The following NFATC1 variants were observed in gnomAD, a reference collection of about 807,000 sequenced individuals.
NFATC1 encodes the protein nuclear factor of activated T cells 1, also known as nuclear factor of activated T-cells, cytoplasmic 1.
In NFATC1, 22 loss-of-function variants were observed where a neutral mutation model predicts 76.0. That is an observed-to-expected ratio of 0.29 (90% CI 0.21 to 0.41). The LOEUF (loss-of-function observed/expected upper bound fraction) is 0.41. Ranked by LOEUF, NFATC1 falls within the 10% of genes least tolerant of loss-of-function variation. The pLI is 1.00. For synonymous variants in NFATC1, 704 were observed against 613.1 expected (o/e 1.15, Z -2.19); for missense variants, 1,357 against 1,337.7 (o/e 1.01, Z -0.23).
At chr18:79,437,794 C>T (rs1191402952) in intron 3 of NFATC1, among the ~76,000 whole-genome samples, 1 of 152,206 alleles carries the variant, frequency 6.6e-6, no homozygotes, top group African/African-American at 2.4e-5. Flanking sequence ...GAGCTGGAAC[C>T]AGGAGTTCGC....
In NFATC1 at chr18:79,410,624, A is replaced by G; in HGVS notation, c.349A>G (p.Ser117Gly). The G allele has an allele frequency of 2.5e-6, 4 of 1,612,952 alleles. No individual in the cohort carries two copies. In the East Asian group the frequency reaches 8.9e-5, roughly 36 times the overall value. Residue 117 changes from serine to glycine, a missense_variant, in exon 2 of 10, where the codon AGT becomes GGT. This residue lies in a region of NFATC1 where 691 missense variants were observed against 613.1 expected (regional missense o/e 1.13). Coordinates refer to ENST00000427363, the MANE Select transcript of NFATC1 (RefSeq NM_001278669.2). This position sits in a 1 kb window ranked among gnomAD's most constrained non-coding sequence, Gnocchi z 6.7. ...TRPDGAPALESPRIEITSCLG... is the reference protein window; with the variant it reads ...TRPDGAPALEGPRIEITSCLG... The stretch of plus-strand genomic sequence containing the variant: ...GCCTGATGGGGCCCCTGCCCTGGAG[A>G]GTCCTCGCATCGAGATAACCTCGTG...
At chr18:79,422,978 C>T (rs539299868) in intron 2 of NFATC1, among the ~76,000 whole-genome samples, 1 of 149,160 alleles carries the variant, frequency 6.7e-6, no homozygotes, top group African/African-American at 2.5e-5. Flanking sequence ...CTCACCCATC[C>T]GGGGCAGGGC....
chr18:79,403,590 G>T (rs902958634), intron 1 of NFATC1, among the ~76,000 whole-genome samples: 1 of 152,254 alleles, frequency 6.6e-6, no homozygotes, highest in African/African-American at 2.4e-5. Flanking sequence ...TGTCGCCGTG[G>T]CAACTCAGAG....
At chr18:79,450,296 G>A (rs987599435) in intron 4 of NFATC1, among the ~76,000 whole-genome samples, 2 of 152,030 alleles carry the variant, frequency 1.3e-5, no homozygotes, top group Admixed American at 1.3e-4. Context: ...GAATGAAATT[G>A]TTAAGAGGTT....
Position 79,410,152 on chromosome 18 carries a change from C to A in NFATC1, c.128-251C>A. 1 of 762,228 alleles carries A rather than the reference C, an allele frequency of 1.3e-6. No homozygotes were observed. Among genetic ancestry groups the A allele is most frequent in the South Asian group, 1.4e-5 (1 of 73,180 alleles). The allele number at this position is 762,228 out of a possible 1,614,324, so 47.2% of individuals were successfully genotyped here. A position where few individuals can be genotyped will look rare whatever the true frequency, so the allele number is the denominator to read the frequency against. ...TGGGAAGGACGTTCGGGGGCTTGTGCTGCTGTTAGGGGAGGAGGGGAGGTG... is the reference window on the plus strand; with the variant it reads ...TGGGAAGGACGTTCGGGGGCTTGTGATGCTGTTAGGGGAGGAGGGGAGGTG... On this transcript the variant is annotated intron_variant, in intron 1 of 9. Transcript: ENST00000427363. This position sits in a 1 kb window ranked among gnomAD's most constrained non-coding sequence, Gnocchi z 6.7.
chr18:79,419,575 G>A (rs970794556), intron 2 of NFATC1, among the ~76,000 whole-genome samples: 1 of 152,172 alleles, frequency 6.6e-6, no homozygotes, highest in Admixed American at 6.5e-5. Context: ...GTCAGAACCT[G>A]CCTGGTTAGC....
chr18:79,485,574 C>T (rs916101015), intron 8 of NFATC1, among the ~76,000 whole-genome samples: 1 of 152,096 alleles, frequency 6.6e-6, no homozygotes, highest in African/African-American at 2.4e-5. Flanking sequence ...ACCCAGCACC[C>T]GCCCTGTGGG....
At chr18:79,481,412 T>C (rs1048896433) in intron 8 of NFATC1, among the ~76,000 whole-genome samples, 3 of 152,242 alleles carry the variant, frequency 2.0e-5, no homozygotes, top group Non-Finnish European at 2.9e-5. Context: ...GGCCCAGATA[T>C]TCAATTTTCT....
intron 3 of NFATC1, among the ~76,000 whole-genome samples, chr18:79,437,116 G>C (rs1175672312): frequency 6.6e-6 from 1 of 152,242 alleles, no homozygotes; most frequent in Non-Finnish European, 1.5e-5. Context: ...GCCCCTGGTG[G>C]ACGTGGTCCC....
Position 79,410,969 on chromosome 18 carries a change from G to C in NFATC1, c.694G>C (p.Gly232Arg), listed in dbSNP as rs1063669. The change falls in exon 2 of 10, where the codon GGT (glycine) becomes CGT (arginine). Residue 232 changes from glycine (G) to arginine (R), a missense_variant. Transcript: ENST00000427363. The surrounding 1 kb of genome is among the most constrained non-coding windows in gnomAD (Gnocchi z 6.7). ...CGGGCTGGGGGCCTGCACACTGCTG[G>C]GTTCCCCGCGGCACTCCCCCTCCAC... is the stretch of plus-strand genomic sequence containing the variant. ...PRGLGACTLL[G>R]SPRHSPSTSP... 6.2e-7 allele frequency: 1 copy of C among 1,603,006 alleles called. No individual in the cohort carries two copies.
At chr18:79,513,978 G>A (rs907930859) in intron 9 of NFATC1, among the ~76,000 whole-genome samples, 1 of 152,196 alleles carries the variant, frequency 6.6e-6, no homozygotes, top group Non-Finnish European at 1.5e-5. Context: ...TGTGCTTCAG[G>A]CTCCTGTGAA....
intron 8 of NFATC1, among the ~76,000 whole-genome samples, chr18:79,475,279 T>A (rs2089014539): frequency 1.3e-5 from 2 of 149,748 alleles, no homozygotes; most frequent in Admixed American, 6.6e-5. Flanking sequence ...GGGAAGCGTG[T>A]TCTCACGCTC....
intron 8 of NFATC1, among the ~76,000 whole-genome samples, chr18:79,473,261 C>A (rs923530946): frequency 6.6e-6 from 1 of 152,268 alleles, no homozygotes; most frequent in African/African-American, 2.4e-5. Flanking sequence ...GGCCCCTCAT[C>A]CCTGTTCTAC....
At chr18:79,414,661 A>G (rs1315050967) in intron 2 of NFATC1, among the ~76,000 whole-genome samples, 1 of 152,218 alleles carries the variant, frequency 6.6e-6, no homozygotes, top group East Asian at 1.9e-4. Flanking sequence ...CTATTGTCAA[A>G]GCTTGGGGGG....
chr18:79,484,884 G>C (rs958593948), intron 8 of NFATC1, among the ~76,000 whole-genome samples: 9 of 152,226 alleles, frequency 5.9e-5, no homozygotes, highest in Admixed American at 5.9e-4. Flanking sequence ...GAGGCCGCAC[G>C]TGGCACAGGT....
intron 8 of NFATC1, among the ~76,000 whole-genome samples, chr18:79,473,729 TCACA>T (rs1374723918): frequency 8.1e-5 from 12 of 147,952 alleles, no homozygotes; most frequent in African/African-American, 2.5e-4. Context: ...AAGCGTGTTC[TCACA>T]CTCACTGTCG....
chr18:79,401,323 G>A (rs1183185143), intron 1 of NFATC1, among the ~76,000 whole-genome samples: 5 of 152,128 alleles, frequency 3.3e-5, no homozygotes, highest in Non-Finnish European at 7.3e-5. Context: ...TCTGTAATGA[G>A]GGTCATATTT....
chr18:79,481,204 C>G (rs1276638999), intron 8 of NFATC1, among the ~76,000 whole-genome samples: 1 of 152,232 alleles, frequency 6.6e-6, no homozygotes, highest in Admixed American at 6.5e-5. Context: ...TTACCACATG[C>G]TTCAAGCTGG....
In NFATC1 at chr18:79,412,192, T is replaced by C. The variant is rs2085715146; in HGVS notation, c.1226+691T>C. ...GAGGGGCTGCTGGAATTCCGCTGGG[T>C]CCACTTAACCAGCTTGGTGTTTTTA... On this transcript the variant is annotated intron_variant, in intron 2 of 9. Coordinates refer to ENST00000427363, the MANE Select transcript of NFATC1 (RefSeq NM_001278669.2). Among the ~76,000 whole-genome samples the C allele has an allele frequency of 3.3e-5, 5 of 152,362 alleles. No individual in the cohort carries two copies. In the South Asian group the frequency reaches 1.0e-3, roughly 32 times the overall value.
Sources: gnomAD v4.1 joint callset for allele counts (sites outside exome capture counted in the v4.1 genomes callset) on GRCh38, gnomAD v4.1.1 for gene constraint, gnomAD v4.1.1 regional missense constraint, Gnocchi (gnomAD v3.1) non-coding constraint, MANE v1.5 for transcripts, NCBI Gene and HGNC (gene_info 2026-07-23, HGNC 2026-07-21) for gene names.